UNC79: variants seen among roughly 807,000 people sequenced by gnomAD.
UNC79 encodes protein unc-79 homolog.
A neutral mutation model predicts 283.1 loss-of-function variants in UNC79; 37 were observed. The observed-to-expected ratio is 0.13, with a 90% CI of 0.10 to 0.17. The LOEUF is 0.17. Ranked by LOEUF, UNC79 falls within the 10% of genes least tolerant of loss-of-function variation. UNC79 has a pLI of 1.00. For synonymous variants in UNC79, 1,107 were observed against 1,200.2 expected (o/e 0.92, Z 1.61); for missense variants, 2,272 against 3,211.1 (o/e 0.71, Z 7.07).
chr14:93,514,837 C>T (rs1400854289), intron 7 of UNC79, among the ~76,000 whole-genome samples: 1 of 152,152 alleles, frequency 6.6e-6, no homozygotes, highest in East Asian at 1.9e-4. Context: ...GAGAGCAGCC[C>T]TGTGCTGTAT....
exon 20 of UNC79, chr14:93,582,305 G>A: frequency 1.2e-6 from 2 of 1,614,166 alleles, no homozygotes; most frequent in Non-Finnish European, 1.7e-6. Flanking sequence ...CAAGCATGGG[G>A]AGAACCCAGG....
intron 1 of UNC79, among the ~76,000 whole-genome samples, chr14:93,396,038 G>A (rs562806755): frequency 1.4e-4 from 21 of 152,076 alleles, no homozygotes; most frequent in African/African-American, 5.1e-4. Flanking sequence ...CATGCTTGAT[G>A]TCTCATATGT....
At chr14:93,696,382 G>GTTTTCCAAAC (rs2075129272) in intron 47 of UNC79, among the ~76,000 whole-genome samples, 1 of 152,118 alleles carries the variant, frequency 6.6e-6, no homozygotes, top group Non-Finnish European at 1.5e-5. Context: ...TAAAAAAATT[G>GTTTTCCAAAC]TTTTCCAAAC....
intron 5 of UNC79, among the ~76,000 whole-genome samples, chr14:93,491,390 CTTAATAAAACCATTTA>C (rs1488438705): frequency 6.6e-6 from 1 of 151,808 alleles, no homozygotes; most frequent in Non-Finnish European, 1.5e-5. Context: ...ATATTATGTC[CTTAATAAAACCATTTA>C]TTTGGAATCT....
exon 1 of UNC79, chr14:93,431,006 A>G: frequency 1.4e-6 from 1 of 701,230 alleles, no homozygotes; most frequent in Non-Finnish European, 2.6e-6. Context: ...TTTTGGGGCA[A>G]AGCCTTTCCA....
chr14:93,353,362 C>CCAGCATATT (rs1248484957), intron 1 of UNC79, among the ~76,000 whole-genome samples: 1 of 152,114 alleles, frequency 6.6e-6, no homozygotes, highest in Non-Finnish European at 1.5e-5. Context: ...GCCACTGTGC[C>CCAGCATATT]CAGCATATTC....
At chr14:93,347,541 G>T (rs1226616831) in intron 1 of UNC79, 1 of 1,029,382 alleles carries the variant, frequency 9.7e-7, no homozygotes, top group East Asian at 3.3e-5. Context: ...AGGTTCCTGT[G>T]GCTTGGTCGC....
At chr14:93,387,235 G>T (rs1403526405) in intron 1 of UNC79, among the ~76,000 whole-genome samples, 1 of 152,094 alleles carries the variant, frequency 6.6e-6, no homozygotes, top group Non-Finnish European at 1.5e-5. Flanking sequence ...GTGCCACTGA[G>T]CCCAGCCTCT....
chr14:93,661,047 A>G (rs747788772), intron 39 of UNC79, among the ~76,000 whole-genome samples: 25 of 152,202 alleles, frequency 1.6e-4, no homozygotes, highest in Non-Finnish European at 3.2e-4. Flanking sequence ...GGGGCAACTA[A>G]CACAAAGTGC....
At chr14:93,377,457 C>A (rs1443338729) in intron 1 of UNC79, among the ~76,000 whole-genome samples, 1 of 151,880 alleles carries the variant, frequency 6.6e-6, no homozygotes, top group East Asian at 1.9e-4. Flanking sequence ...AAAAGAGCAA[C>A]CACAAGGGGA....
intron 42 of UNC79, among the ~76,000 whole-genome samples, chr14:93,682,916 C>G (rs1246373872): frequency 6.6e-6 from 1 of 152,124 alleles, no homozygotes; most frequent in Non-Finnish European, 1.5e-5. Flanking sequence ...ATAATGCATG[C>G]AAAGCATATT....
intron 14 of UNC79, among the ~76,000 whole-genome samples, chr14:93,545,569 T>C (rs1423349924): frequency 6.6e-6 from 1 of 152,246 alleles, no homozygotes; most frequent in Non-Finnish European, 1.5e-5. Flanking sequence ...GGCTGAGAAT[T>C]CTGTAATGCA....
intron 40 of UNC79, among the ~76,000 whole-genome samples, chr14:93,666,333 T>G (rs569158439): frequency 2.0e-5 from 3 of 152,182 alleles, no homozygotes; most frequent in African/African-American, 7.2e-5. Flanking sequence ...AAATATAAGT[T>G]TACTAGACTC....
intron 11 of UNC79, among the ~76,000 whole-genome samples, chr14:93,533,147 A>T (rs1477524579): frequency 6.6e-6 from 1 of 152,078 alleles, no homozygotes; most frequent in African/African-American, 2.4e-5. Flanking sequence ...GAGTAAGAGG[A>T]GGCAGTATGA....
intron 41 of UNC79, among the ~76,000 whole-genome samples, chr14:93,677,454 TTTA>T (rs1346568641): frequency 3.3e-5 from 5 of 152,144 alleles, no homozygotes; most frequent in Non-Finnish European, 7.3e-5. Context: ...GGAACTCCCA[TTTA>T]TAAAACCATC....
intron 14 of UNC79, among the ~76,000 whole-genome samples, chr14:93,545,752 G>T (rs2061569767): frequency 6.6e-6 from 1 of 152,184 alleles, no homozygotes; most frequent in South Asian, 2.1e-4. Context: ...CCTGCCTGCT[G>T]CACAAACAAC....
intron 18 of UNC79, 50 bp downstream of exon 18, chr14:93,578,113 A>G (rs1391216728): frequency 6.6e-7 from 1 of 1,520,910 alleles, no homozygotes; most frequent in Non-Finnish European, 9.0e-7. Context: ...AATGAGAGAA[A>G]GCGTTGTACA....
At chr14:93,459,170 T>G (rs1194879236) in intron 1 of UNC79, among the ~76,000 whole-genome samples, 1 of 152,176 alleles carries the variant, frequency 6.6e-6, no homozygotes, top group Admixed American at 6.5e-5. Flanking sequence ...TTTTGTATTT[T>G]TAGTAGAGAC....
intron 1 of UNC79, among the ~76,000 whole-genome samples, chr14:93,431,433 T>C (rs1349383349): frequency 6.6e-6 from 1 of 151,856 alleles, no homozygotes; most frequent in Non-Finnish European, 1.5e-5. Flanking sequence ...GGCGGGGAAC[T>C]GTCAGTTGCA....
Sources: allele counts gnomAD v4.1 joint callset (sites outside exome capture counted in the v4.1 genomes callset), GRCh38; gene constraint gnomAD v4.1.1; transcripts MANE v1.5; gene names NCBI Gene and HGNC (gene_info 2026-07-23, HGNC 2026-07-21).